Variants in FRMPD4 observed in about 807,000 individuals in gnomAD.
The protein encoded by FRMPD4 is FERM and PDZ domain-containing protein 4.
Under a neutral mutation model 94.1 loss-of-function variants are expected in FRMPD4, and 22 were observed. The ratio of observed to expected loss-of-function variants is 0.23; its 90% CI spans 0.17 to 0.33. FRMPD4 has a LOEUF of 0.33. Among genes scored for constraint, FRMPD4 ranks in the 10% least tolerant of loss-of-function variants. The probability of loss-of-function intolerance (pLI) is 1.00; values close to 1 mark genes in which losing one functional copy is unlikely to be tolerated. For missense variants in FRMPD4, 1,111 were observed against 1,339.9 expected (o/e 0.83, Z 2.67); for synonymous variants, 631 against 548.6 (o/e 1.15, Z -2.10).
chrX:12,315,592 AT>A (rs1483248162), intron 1 of FRMPD4, among the ~76,000 whole-genome samples: 1 of 112,069 alleles, frequency 8.9e-6, no homozygotes, highest in East Asian at 2.8e-4. Flanking sequence ...GGATAAAAAA[AT>A]ATGCAGATTT....
chrX:12,052,848 A>T (rs1359473643), intron 3 of FRMPD4, among the ~76,000 whole-genome samples: 3 of 112,097 alleles, frequency 2.7e-5, no homozygotes, highest in Non-Finnish European at 5.6e-5. Flanking sequence ...CAATTTCCTA[A>T]TATTATCAAC....
At chrX:12,208,746 A>G (rs906606994) in intron 1 of FRMPD4, among the ~76,000 whole-genome samples, 2 of 111,999 alleles carry the variant, frequency 1.8e-5, no homozygotes, top group African/African-American at 6.5e-5. Flanking sequence ...ATTTTTTAAT[A>G]TATTTGAACA....
chrX:12,433,568 C>T (rs2057031909), intron 1 of FRMPD4, among the ~76,000 whole-genome samples: 2 of 112,091 alleles, frequency 1.8e-5, no homozygotes, highest in South Asian at 7.4e-4. Flanking sequence ...TCAAAAAGCA[C>T]GATCCAGAAA....
chrX:12,203,204 A>G (rs750544666), intron 1 of FRMPD4, among the ~76,000 whole-genome samples: 4 of 111,418 alleles, frequency 3.6e-5, no homozygotes, highest in East Asian at 2.8e-4. Context: ...AGAATAAAAC[A>G]CTCTAGATAA....
At chrX:12,315,053 G>A (rs764333530) in intron 1 of FRMPD4, among the ~76,000 whole-genome samples, 3 of 111,746 alleles carry the variant, frequency 2.7e-5, no homozygotes, top group Non-Finnish European at 3.8e-5. Context: ...AGCAATTTCC[G>A]TAGCTACCAT....
chrX:11,967,749 TGTGTGTG>T (rs1185820703), intron 3 of FRMPD4, among the ~76,000 whole-genome samples: 1 of 82,566 alleles, frequency 1.2e-5, no homozygotes, highest in Non-Finnish European at 2.4e-5. Flanking sequence ...TGTGTGTGTG[TGTGTGTG>T]TTTTTTTTTT....
chrX:12,376,103 C>T (rs1164802726), intron 1 of FRMPD4, among the ~76,000 whole-genome samples: 1 of 111,917 alleles, frequency 8.9e-6, no homozygotes, highest in Non-Finnish European at 1.9e-5. Context: ...ATGGGAGGCA[C>T]TCTGGAAATG....
intron 1 of FRMPD4, among the ~76,000 whole-genome samples, chrX:12,191,641 A>G (rs773700584): frequency 9.3e-6 from 1 of 107,312 alleles, no homozygotes; most frequent in Non-Finnish European, 2.0e-5. Flanking sequence ...AGCCAATGTG[A>G]GAAGGCTATA....
intron 3 of FRMPD4, among the ~76,000 whole-genome samples, chrX:12,055,702 G>T (rs1387325490): frequency 8.9e-6 from 1 of 112,040 alleles, no homozygotes; most frequent in Non-Finnish European, 1.9e-5. Context: ...GGGGGAGACT[G>T]CTTATAATAG....
At chrX:12,697,131 T>C (rs781028903) in intron 9 of FRMPD4, among the ~76,000 whole-genome samples, 3 of 112,397 alleles carry the variant, frequency 2.7e-5, no homozygotes, top group Non-Finnish European at 5.6e-5. Context: ...TAAAGAAATG[T>C]GTAGTGTGCT....
intron 4 of FRMPD4, among the ~76,000 whole-genome samples, chrX:12,672,143 A>G (rs1205720228): frequency 1.8e-5 from 2 of 112,138 alleles, no homozygotes; most frequent in African/African-American, 6.5e-5. Context: ...AAGGCAAGAA[A>G]GTTCTCACTT....
intron 3 of FRMPD4, among the ~76,000 whole-genome samples, chrX:11,987,605 C>T (rs954738169): frequency 4.5e-5 from 5 of 110,754 alleles, no homozygotes; most frequent in East Asian, 2.8e-4. Context: ...AAATGGTACC[C>T]GAATTGGAAA....
chrX:12,677,494 A>T (rs1046430774), intron 5 of FRMPD4, among the ~76,000 whole-genome samples: 175 of 109,536 alleles, frequency 1.6e-3, no homozygotes, highest in African/African-American at 5.7e-3. Flanking sequence ...AAAAAAAAAA[A>T]ATACTTATTG....
intron 2 of FRMPD4, among the ~76,000 whole-genome samples, chrX:12,518,138 T>C (rs184900483): frequency 3.7e-4 from 41 of 111,795 alleles, no homozygotes; most frequent in African/African-American, 1.3e-3. Context: ...GCCACAGTGA[T>C]GGCCGCTGCC....
chrX:12,582,234 A>G (rs2058873447), intron 2 of FRMPD4, among the ~76,000 whole-genome samples: 4 of 112,560 alleles, frequency 3.6e-5, no homozygotes, highest in African/African-American at 1.3e-4. Flanking sequence ...AGATCCCTGA[A>G]GATGGTTGCT....
At chrX:12,450,786 C>A (rs2057256464) in intron 1 of FRMPD4, among the ~76,000 whole-genome samples, 1 of 103,185 alleles carries the variant, frequency 9.7e-6, no homozygotes, top group South Asian at 4.6e-4. Context: ...TGATGGGGAC[C>A]TTCTATGCCC....
intron 1 of FRMPD4, among the ~76,000 whole-genome samples, chrX:12,198,212 A>C (rs2056588165): frequency 8.9e-6 from 1 of 112,053 alleles, no homozygotes; most frequent in African/African-American, 3.2e-5. Flanking sequence ...GTTCTCAGCC[A>C]GTAAAGTTCG....
chrX:12,609,538 G>A (rs1331738062), intron 2 of FRMPD4, among the ~76,000 whole-genome samples, 183 bp from the exon 3 acceptor site: 2 of 112,119 alleles, frequency 1.8e-5, no homozygotes, highest in Non-Finnish European at 3.8e-5. Context: ...AACAGCCAAT[G>A]CAAAAGCCTG....
At chrX:12,223,523 T>A (rs1569197144) in intron 1 of FRMPD4, among the ~76,000 whole-genome samples, 1 of 111,410 alleles carries the variant, frequency 9.0e-6, no homozygotes, top group Non-Finnish European at 1.9e-5. Context: ...GGTGATGAAA[T>A]AATGTGTACA....
Sources: allele counts gnomAD v4.1 joint callset (sites outside exome capture counted in the v4.1 genomes callset), GRCh38; gene constraint gnomAD v4.1.1; transcripts MANE v1.5; gene names NCBI Gene and HGNC (gene_info 2026-07-23, HGNC 2026-07-21).